The following MUC4 variants were observed in gnomAD, a reference collection of about 807,000 sequenced individuals.
The protein encoded by MUC4 is mucin 4, cell surface associated.
Under a neutral mutation model 257.9 loss-of-function variants are expected in MUC4, and 202 were observed. That is an observed-to-expected ratio of 0.78 (90% CI 0.70 to 0.88). MUC4 has a LOEUF of 0.88. Among genes scored for constraint, MUC4 ranks in the 40% least tolerant of loss-of-function variants. The probability of loss-of-function intolerance (pLI) is 0.00; values close to 1 mark genes in which losing one functional copy is unlikely to be tolerated. For synonymous variants in MUC4, 2,351 were observed against 2,757.1 expected (o/e 0.85, Z 4.62); for missense variants, 5,976 against 6,513.7 (o/e 0.92, Z 2.84).
At chr3:195,803,907 G>T (rs114766822) in intron 1 of MUC4, among the ~76,000 whole-genome samples, 1,717 of 152,186 alleles carry the variant, frequency 0.011, 32 homozygotes, top group African/African-American at 0.039. Flanking sequence ...GCCTGAGGCC[G>T]AGCCAGGCAC....
At chr3:195,799,957 C>T (rs1239653274) in intron 1 of MUC4, among the ~76,000 whole-genome samples, 4 of 152,208 alleles carry the variant, frequency 2.6e-5, no homozygotes, top group Non-Finnish European at 5.9e-5. Flanking sequence ...CCCCATCCCT[C>T]ACCTGCTGCT....
Position 195,780,356 on chromosome 3 carries a change from C to A in MUC4, c.11224G>T (p.Val3742Phe), listed in dbSNP as rs569772156. ...TSPSSASTGH[V>F]TPLPVTSTSS... is the part of the protein sequence containing the mutation. ...GTGCTGGTGACAGGAAGAGGGGTGA[C>A]GTGACCTGTGGATGCTGAGGAAGGG... Residue 3742 changes from valine to phenylalanine, a missense_variant, in exon 2 of 25, where the codon GTC becomes TTC. Physicochemically the swap from Val to Phe is conservative, Grantham distance 50. Around this residue, in one of 44 missense-constraint regions of MUC4, gnomAD observed 330 missense variants for 262.0 expected, o/e 1.26. Coordinates refer to ENST00000463781, the MANE Select transcript of MUC4 (RefSeq NM_018406.7). The A allele has an allele frequency of 7.1e-7, 1 of 1,402,072 alleles. No individual in the cohort carries two copies. Among genetic ancestry groups the A allele is most frequent in the African/African-American group, 2.3e-5 (1 of 44,374 alleles). 86.9% of individuals were successfully genotyped at this position (1,402,072 alleles called of 1,614,324 possible). A position where few individuals can be genotyped will look rare whatever the true frequency, so the allele number is the denominator to read the frequency against.
chr3:195,764,740 C>G (rs184300889), intron 10 of MUC4, among the ~76,000 whole-genome samples: 85 of 152,276 alleles, frequency 5.6e-4, no homozygotes, highest in African/African-American at 2.0e-3. Context: ...CCTAGGCGCT[C>G]TCTTCTTGCC....
Position 195,769,115 on chromosome 3 carries a change from C to T in MUC4, c.13436G>A (p.Ser4479Asn). The change falls in exon 7 of 25, where the codon AGC becomes AAC. Residue 4479 changes from serine (S) to asparagine (N), a missense_variant. By Grantham distance (46) the Ser-to-Asn change is conservative. Around this residue, in one of 44 missense-constraint regions of MUC4, gnomAD observed 996 missense variants for 1,137.3 expected, o/e 0.88. Coordinates refer to ENST00000463781, the MANE Select transcript of MUC4 (RefSeq NM_018406.7). ...TYQAILSTDG[S>N]RSYALFLYQS... Reference sequence around the variant, plus strand: ...GTAGAGAAACAGGGCATAGGACCTGCTCCCGTCCGTGGAGAGGATGGCTTG... The same window carrying T: ...GTAGAGAAACAGGGCATAGGACCTGTTCCCGTCCGTGGAGAGGATGGCTTG... 6.2e-7 allele frequency: 1 copy of T among 1,614,174 alleles called. No homozygotes were observed. Among genetic ancestry groups the T allele is most frequent in the Non-Finnish European group, 8.5e-7 (1 of 1,180,024 alleles).
At position 195,770,374 on chromosome 3, in the gene MUC4, A is replaced by G. The variant is rs1452088085; in HGVS notation, c.13243-3T>C. ...TCACCATAGAACGTCTCGTATTCCTAGGAAAGGAGGGCAGATGAAAACAAG... is the reference window on the plus strand; with the variant it reads ...TCACCATAGAACGTCTCGTATTCCTGGGAAAGGAGGGCAGATGAAAACAAG... On this transcript the variant is annotated splice_region_variant and splice_polypyrimidine_tract_variant and intron_variant, in intron 5 of 24. Transcript: ENST00000463781. 3.7e-6 allele frequency: 6 copies of G among 1,613,324 alleles called. No individual in the cohort carries two copies. In the African/African-American group the frequency reaches 6.7e-5, roughly 18 times the overall value.
chr3:195,764,953 C>G (rs1439125544), intron 10 of MUC4, 44 bp downstream of exon 10: 3 of 1,602,476 alleles, frequency 1.9e-6, no homozygotes, highest in African/African-American at 2.7e-5. Flanking sequence ...TGAGGGTCCC[C>G]TACTTGGCCG....
chr3:195,751,821 G>A (rs1399224704), intron 21 of MUC4: 4 of 196,174 alleles, frequency 2.0e-5, no homozygotes, highest in Middle Eastern at 2.3e-3. Flanking sequence ...TGCTTGACAC[G>A]CGTTATCATT....
At chr3:195,748,263 TGGGA>T (rs1394840653) in intron 24 of MUC4, among the ~76,000 whole-genome samples, 1 of 152,194 alleles carries the variant, frequency 6.6e-6, no homozygotes, top group Non-Finnish European at 1.5e-5. Flanking sequence ...CCAGATCAGG[TGGGA>T]GGGTTTGACT....
chr3:195,758,706 G>A (rs1392298746), intron 17 of MUC4, among the ~76,000 whole-genome samples: 1 of 150,146 alleles, frequency 6.7e-6, no homozygotes, highest in Non-Finnish European at 1.5e-5. Flanking sequence ...GGGATTACAG[G>A]CATGCACCAC....
At chr3:195,806,009 G>T (rs1253264804) in intron 1 of MUC4, among the ~76,000 whole-genome samples, 1 of 33,788 alleles carries the variant, frequency 3.0e-5, no homozygotes, top group Non-Finnish European at 8.7e-5. Flanking sequence ...CCAGCTACTC[G>T]GGGGGCTGAG....
At chr3:195,804,059 T>C (rs1398156244) in intron 1 of MUC4, among the ~76,000 whole-genome samples, 3 of 152,300 alleles carry the variant, frequency 2.0e-5, no homozygotes, top group Middle Eastern at 3.4e-3. Context: ...ACGTGTGTCA[T>C]TGAGTAAAAC....
chr3:195,764,358 G>A (rs1719952202), intron 10 of MUC4, among the ~76,000 whole-genome samples, 194 bp from the exon 11 acceptor site: 1 of 152,044 alleles, frequency 6.6e-6, no homozygotes, highest in Non-Finnish European at 1.5e-5. Context: ...GGCGGTGTTG[G>A]TGGCAAGAGC....
intron 8 of MUC4, 142 bp downstream of exon 8, chr3:195,766,521 T>G: frequency 2.8e-6 from 2 of 705,794 alleles, no homozygotes; most frequent in East Asian, 2.7e-5. Context: ...CCTAGACCTG[T>G]AGGAGGTTGA....
At position 195,789,517 on chromosome 3, in the gene MUC4, G is replaced by T. The variant is rs575570514; in HGVS notation, c.2063C>A (p.Thr688Asn). ...GGCAAAGGTTGTTGCTGCACTTATG[G>T]TGGGTGCGTCCTGAGGAACAATTTC... ...PSEIVPQDAP[T>N]ISAATTFAPA... The change falls in exon 2 of 25, where the codon ACC becomes AAC. Residue 688 changes from threonine to asparagine, a missense_variant. Transcript: ENST00000463781. The T allele has an allele frequency of 6.2e-7, 1 of 1,613,978 alleles. No homozygotes were observed. The highest frequency in any genetic ancestry group is 1.1e-5 in the South Asian group (1 of 91,078).
chr3:195,765,459 G>T lies in MUC4; in HGVS notation c.13619-10C>A, dbSNP rs763853445. 1 of 1,608,110 alleles carries T rather than the reference G, an allele frequency of 6.2e-7. No individual in the cohort carries two copies. Among genetic ancestry groups the T allele is most frequent in the East Asian group, 2.2e-5 (1 of 44,772 alleles). On this transcript the variant is annotated splice_polypyrimidine_tract_variant and intron_variant, in intron 8 of 24. Coordinates refer to ENST00000463781, the MANE Select transcript of MUC4 (RefSeq NM_018406.7). ...TGCAGCCCTTGGAGGCCTGAGGTCG[G>T]GGATGGGGGGGAAAGGGCTTATCCA...
Position 195,749,034 on chromosome 3 carries a change from C to G in MUC4, c.15902G>C (p.Arg5301Thr), listed in dbSNP as rs774101318. The change falls in exon 24 of 25, where the codon AGA (arginine) becomes ACA (threonine). Residue 5301 changes from arginine (R) to threonine (T), a missense_variant. Around this residue, in one of 44 missense-constraint regions of MUC4, gnomAD observed 310 missense variants for 242.1 expected, o/e 1.28. Coordinates refer to ENST00000463781, the MANE Select transcript of MUC4 (RefSeq NM_018406.7). Reference sequence around the variant, plus strand: ...GTCGTAGCCCTTGTAGCCATCGCATCTGAAGTAAGCCTTCAGCGTGCTCAC... The same window carrying G: ...GTCGTAGCCCTTGTAGCCATCGCATGTGAAGTAAGCCTTCAGCGTGCTCAC... ...LNVSTLKAYF[R>T]CDGYKGYDLV... 4 of 1,606,342 alleles carry G rather than the reference C, an allele frequency of 2.5e-6. No individual in the cohort carries two copies. The highest frequency in any genetic ancestry group is 3.4e-6 in the Non-Finnish European group (4 of 1,175,438).
intron 1 of MUC4, among the ~76,000 whole-genome samples, chr3:195,804,428 G>A (rs1188807377): frequency 3.9e-5 from 6 of 152,238 alleles, no homozygotes; most frequent in Non-Finnish European, 1.5e-5. Flanking sequence ...TATGAGTGAC[G>A]CTGGCAGAAG....
In MUC4 at chr3:195,791,267, G is replaced by A. The variant is rs936190685; in HGVS notation, c.313C>T (p.Pro105Ser). The A allele has an allele frequency of 1.2e-6, 1 of 825,302 alleles. No individual in the cohort carries two copies. The highest frequency in any genetic ancestry group is 3.3e-5 in the East Asian group (1 of 30,032). The allele number at this position is 825,302 out of a possible 1,614,324, so 51.1% of individuals were successfully genotyped here. ...GTCTCCATCACATTGTGTACACTTG[G>A]GGAAGAAAAAAGAGTTGATGTCATC... The part of the protein sequence containing the change: ...QMMTSTLFSS[P>S]SVHNVMETAP... Residue 105 changes from proline to serine, a missense_variant, in exon 2 of 25, where the codon CCA (proline) becomes TCA (serine). By Grantham distance (74) the Pro-to-Ser change is moderately conservative. Around this residue, in one of 44 missense-constraint regions of MUC4, gnomAD observed 1,583 missense variants for 1,257.4 expected, o/e 1.26. Coordinates refer to ENST00000463781, the MANE Select transcript of MUC4 (RefSeq NM_018406.7).
chr3:195,771,841 G>C, intron 4 of MUC4, 25 bp from the exon 5 acceptor site: 1 of 1,608,132 alleles, frequency 6.2e-7, no homozygotes, highest in African/African-American at 1.3e-5. Context: ...TTTGTGGTCA[G>C]CATTCAGGGA....
Sources: gnomAD v4.1 joint callset for allele counts (sites outside exome capture counted in the v4.1 genomes callset) on GRCh38, gnomAD v4.1.1 for gene constraint, gnomAD v4.1.1 regional missense constraint, MANE v1.5 for transcripts, NCBI Gene and HGNC (gene_info 2026-07-23, HGNC 2026-07-21) for gene names.